ZNF442: variants seen among roughly 807,000 people sequenced by gnomAD.
ZNF442 encodes the protein zinc finger protein 442.
Under a neutral mutation model 57.0 loss-of-function variants are expected in ZNF442, and 45 were observed. That is an observed-to-expected ratio of 0.79 (90% confidence interval 0.62 to 1.01). The LOEUF (loss-of-function observed/expected upper bound fraction) is 1.01. Among genes scored for constraint, ZNF442 ranks in the 50% least tolerant of loss-of-function variants. The pLI, the probability that ZNF442 is intolerant of heterozygous loss-of-function variation, is 0.00. For missense variants in ZNF442, 690 were observed against 756.5 expected (o/e 0.91, Z 1.03); for synonymous variants, 213 against 241.8 (o/e 0.88, Z 1.10).
rs759593423 is a variant in ZNF442 at position 12,350,911 on chromosome 19, C to T, written c.674G>A (p.Arg225His). 27 of 1,614,102 alleles carry T rather than the reference C, an allele frequency of 1.7e-5. No homozygotes were observed. Among genetic ancestry groups the T allele is most frequent in the Middle Eastern group, 1.6e-4 (1 of 6,062 alleles). The part of the protein sequence containing the change: ...GKAFFWPSLF[R>H]MHERTHTGEK... ...TCCAGTGTGAGTTCTTTCATGCATA[C>T]GAAATAAACTAGGCCAAAAAAAGGC... Residue 225 changes from arginine (R) to histidine (H), a missense_variant, in exon 6 of 6, where the codon CGT becomes CAT. Physicochemically the swap from Arg to His is conservative, Grantham distance 29. Coordinates refer to ENST00000242804, the MANE Select transcript of ZNF442 (RefSeq NM_030824.3).
intron 3 of ZNF442, among the ~76,000 whole-genome samples, chr19:12,355,982 C>A (rs957844674): frequency 6.6e-6 from 1 of 151,434 alleles, no homozygotes; most frequent in South Asian, 2.1e-4. Flanking sequence ...GCCTGGGCAA[C>A]AGAATGAGAC....
Position 12,350,800 on chromosome 19 carries a change from T to C in ZNF442, c.785A>G (p.Glu262Gly), listed in dbSNP as rs200487300. 3.7e-4 allele frequency: 594 copies of C among 1,614,098 alleles called. No individual in the cohort carries two copies. Among genetic ancestry groups the C allele is most frequent in the Non-Finnish European group, 4.2e-4 (494 of 1,180,012 alleles). Residue 262 changes from glutamate to glycine, a missense_variant, in exon 6 of 6, where the codon GAG (glutamate) becomes GGG (glycine). Coordinates refer to ENST00000242804, the MANE Select transcript of ZNF442 (RefSeq NM_030824.3). ...YLRHERTHTGEKPYECKHCSK... is the reference protein window; with the variant it reads ...YLRHERTHTGGKPYECKHCSK... The stretch of plus-strand genomic sequence containing the variant: ...ACAGTGCTTGCATTCATATGGTTTC[T>C]CCCCAGTGTGTGTTCTTTCATGTCT...
intron 3 of ZNF442, among the ~76,000 whole-genome samples, chr19:12,360,734 G>A (rs952556468): frequency 3.3e-5 from 5 of 152,014 alleles, no homozygotes; most frequent in South Asian, 2.1e-4. Flanking sequence ...GGGCCACCAC[G>A]CCCGTGGTGG....
intron 3 of ZNF442, among the ~76,000 whole-genome samples, chr19:12,359,019 T>C (rs1051728006): frequency 2.6e-5 from 4 of 152,138 alleles, no homozygotes; most frequent in Middle Eastern, 3.2e-3. Flanking sequence ...ATCTCAAGAA[T>C]AGCCAAAAAG....
the ZNF442 span, among the ~76,000 whole-genome samples, chr19:12,373,383 C>CA: frequency 3.7e-4 from 56 of 150,932 alleles, no homozygotes; most frequent in Non-Finnish European, 2.5e-4. Context: ...TTACCAAAAA[C>CA]AAAAAAAAAT....
At chr19:12,367,146 G>C (rs527372325), upstream of ZNF442, among the ~76,000 whole-genome samples, 2 of 152,128 alleles carry the variant, frequency 1.3e-5, no homozygotes, top group Admixed American at 6.6e-5. Flanking sequence ...ATATTTCAAC[G>C]TAGGTTCTAT....
chr19:12,362,576 G>A (rs1378144791), intron 3 of ZNF442, among the ~76,000 whole-genome samples: 7 of 149,612 alleles, frequency 4.7e-5, no homozygotes, highest in Admixed American at 2.7e-4. Flanking sequence ...CAGCCACCCC[G>A]TCCGGGAGGG....
upstream of ZNF442, among the ~76,000 whole-genome samples, chr19:12,369,209 T>G (rs1470517796): frequency 6.6e-6 from 1 of 152,066 alleles, no homozygotes; most frequent in African/African-American, 2.4e-5. Flanking sequence ...CTCCTAGAGC[T>G]GTGGGAAGCT....
At chr19:12,363,720 T>C in intron 2 of ZNF442, 49 bp from the exon 3 acceptor site, 2 of 1,218,018 alleles carry the variant, frequency 1.6e-6, no homozygotes, top group Admixed American at 1.7e-5. Context: ...TAGCTTTTTA[T>C]AGAAATGGTA....
intron 3 of ZNF442, among the ~76,000 whole-genome samples, chr19:12,361,055 G>T (rs1969417175): frequency 1.3e-5 from 2 of 152,014 alleles, no homozygotes; most frequent in Admixed American, 1.3e-4. Context: ...GCCGGGCATG[G>T]TGGTGCATGC....
chr19:12,366,782 C>T (rs139729130), upstream of ZNF442, among the ~76,000 whole-genome samples: 57 of 152,226 alleles, frequency 3.7e-4, no homozygotes, highest in Admixed American at 1.1e-3. Flanking sequence ...TACAGGTGCA[C>T]GCTGCCATGC....
rs1384934191 is a variant in ZNF442, at chr19:12,355,219, A to G, written c.79-2105T>C. ...GGCAGGAGAATGGCGTGAACCCAAGAGGCGGAGCTTGCAGTGAGCCGAGAT... is the reference window on the plus strand; with the variant it reads ...GGCAGGAGAATGGCGTGAACCCAAGGGGCGGAGCTTGCAGTGAGCCGAGAT... On this transcript the variant is annotated intron_variant, in intron 3 of 5. Transcript: ENST00000242804. 2.1e-5 allele frequency among the ~76,000 whole-genome samples: 3 copies of G among 144,830 alleles called. No individual in the cohort carries two copies. In the Admixed American group the frequency reaches 2.1e-4, roughly 10 times the overall value.
Position 12,365,621 on chromosome 19 carries a change from C to A in ZNF442, c.-571G>T. 1 of 284,222 alleles carries A rather than the reference C, an allele frequency of 3.5e-6. No individual in the cohort carries two copies. The highest frequency in any genetic ancestry group is 7.0e-6 in the Non-Finnish European group (1 of 142,572). The allele number at this position is 284,222 out of a possible 1,614,324, so 17.6% of individuals were successfully genotyped here. Reference sequence around the variant, plus strand: ...CAGCGTGACAGTGCCTGCCACTGACCTGCCAGGGCTTCTCTCAGCTACAGA... The same window carrying A: ...CAGCGTGACAGTGCCTGCCACTGACATGCCAGGGCTTCTCTCAGCTACAGA... On this transcript the variant is annotated 5_prime_UTR_variant, in exon 1 of 6. It adds an upstream start codon to the 5' untranslated region. Coordinates refer to ENST00000242804, the MANE Select transcript of ZNF442 (RefSeq NM_030824.3).
Position 12,351,229 on chromosome 19 carries a change from C to T in ZNF442, c.356G>A (p.Ser119Asn). The T allele has an allele frequency of 6.2e-7, 1 of 1,614,174 alleles. No homozygotes were observed. Among genetic ancestry groups the T allele is most frequent in the Middle Eastern group, 1.6e-4 (1 of 6,062 alleles). Residue 119 changes from serine (S) to asparagine (N), a missense_variant, in exon 6 of 6, where the codon AGT becomes AAT. Transcript: ENST00000242804. ...KPPGVDPCKS[S>N]VCGEIMGCSF... ...ACAACCCATGATTTCTCCACACACACTGCTTTTACATGGATCTACTCCAGG... is the reference window on the plus strand; with the variant it reads ...ACAACCCATGATTTCTCCACACACATTGCTTTTACATGGATCTACTCCAGG...
intron 3 of ZNF442, among the ~76,000 whole-genome samples, chr19:12,353,366 T>C (rs1969276030): frequency 6.6e-6 from 1 of 152,228 alleles, no homozygotes; most frequent in Admixed American, 6.5e-5. Flanking sequence ...GTGAATTTTA[T>C]TGCCGGCATC....
rs563488087 is a variant in ZNF442, at chr19:12,363,649, C to T, written c.-18G>A. On this transcript the variant is annotated 5_prime_UTR_variant, in exon 3 of 6. Transcript: ENST00000242804. ...ACAATCATTCAACTGGCTGACCAGC[C>T]GTGTGTCCCCAAGGAATGGAAACTG... 1.3e-4 allele frequency: 206 copies of T among 1,612,366 alleles called. No homozygotes were observed. Among genetic ancestry groups the T allele is most frequent in the Middle Eastern group, 6.6e-4 (4 of 6,060 alleles).
At chr19:12,373,388 A>C in the ZNF442 span, among the ~76,000 whole-genome samples, 1 of 152,120 alleles carries the variant, frequency 6.6e-6, no homozygotes, top group South Asian at 2.1e-4. Context: ...AAAAACAAAA[A>C]AAAATTAGCC....
intron 3 of ZNF442, among the ~76,000 whole-genome samples, chr19:12,360,618 C>A (rs1969408793): frequency 6.6e-6 from 1 of 152,174 alleles, no homozygotes; most frequent in African/African-American, 2.4e-5. Flanking sequence ...ACTCTGTCAC[C>A]CAGACTGGAG....
At chr19:12,373,154 T>C in the ZNF442 span, among the ~76,000 whole-genome samples, 3 of 152,206 alleles carry the variant, frequency 2.0e-5, no homozygotes, top group Non-Finnish European at 2.9e-5. Flanking sequence ...ACCAAAGTTG[T>C]ATTAATATGT....
Sources: gnomAD v4.1 joint callset for allele counts (sites outside exome capture counted in the v4.1 genomes callset) on GRCh38, gnomAD v4.1.1 for gene constraint, MANE v1.5 for transcripts, NCBI Gene and HGNC (gene_info 2026-07-23, HGNC 2026-07-21) for gene names.